The following ROBO1 variants were observed in gnomAD, a reference collection of about 807,000 sequenced individuals.
ROBO1 encodes the protein roundabout homolog 1.
In ROBO1, 149 loss-of-function variants were observed where a neutral mutation model predicts 195.9. The observed-to-expected ratio is 0.76, with a 90% CI of 0.67 to 0.87. ROBO1 has a LOEUF of 0.87. Ranked by LOEUF, ROBO1 falls within the 40% of genes least tolerant of loss-of-function variation. ROBO1 has a pLI of 0.00. For synonymous variants in ROBO1, 816 were observed against 733.2 expected (o/e 1.11, Z -1.82); for missense variants, 1,933 against 2,068.3 (o/e 0.93, Z 1.27).
Position 78,659,769 on chromosome 3 carries a change from T to G in ROBO1, c.2359A>C (p.Asn787His). Reference protein sequence around the residue: ...APPQGVTVSKNDGNGTAILVS... With the variant: ...APPQGVTVSKHDGNGTAILVS... ...AGAATTGCAGTTCCGTTTCCATCAT[T>G]CTTGGATACAGTTACACCTTGGGGT... is the stretch of plus-strand genomic sequence containing the variant. The change falls in exon 17 of 31, where the codon AAT becomes CAT. Residue 787 changes from asparagine to histidine, a missense_variant. This residue lies in a region of ROBO1 where 1,737 missense variants were observed against 1,882.5 expected (regional missense o/e 0.92). Transcript: ENST00000464233. 1 of 1,603,302 alleles carries G rather than the reference T, an allele frequency of 6.2e-7. No individual in the cohort carries two copies. Among genetic ancestry groups the G allele is most frequent in the Non-Finnish European group, 8.5e-7 (1 of 1,174,298 alleles).
At chr3:79,657,627 G>C (rs1946207101) in intron 1 of ROBO1, among the ~76,000 whole-genome samples, 2 of 152,080 alleles carry the variant, frequency 1.3e-5, no homozygotes, top group South Asian at 4.1e-4. Context: ...CACCATTTGT[G>C]AATATTTATT....
chr3:79,374,313 TATA>T (rs1559854523), intron 2 of ROBO1, among the ~76,000 whole-genome samples: 2 of 151,906 alleles, frequency 1.3e-5, no homozygotes, highest in African/African-American at 4.8e-5. Flanking sequence ...GGATAGAAAA[TATA>T]ATAAATATTC....
chr3:79,286,287 C>T (rs1321862122), intron 2 of ROBO1, among the ~76,000 whole-genome samples: 1 of 152,112 alleles, frequency 6.6e-6, no homozygotes, highest in African/African-American at 2.4e-5. Flanking sequence ...AAATCCTTTG[C>T]AAAAATTGAT....
intron 2 of ROBO1, among the ~76,000 whole-genome samples, chr3:79,347,393 T>C (rs1293409349): frequency 2.0e-5 from 3 of 152,162 alleles, no homozygotes; most frequent in Non-Finnish European, 2.9e-5. Flanking sequence ...GGACTGAAAA[T>C]ATTTCTGATG....
chr3:79,226,179 T>C (rs2082224094), intron 2 of ROBO1, among the ~76,000 whole-genome samples: 1 of 152,192 alleles, frequency 6.6e-6, no homozygotes, highest in Admixed American at 6.6e-5. Flanking sequence ...TTAATAATTA[T>C]AATAGGACAC....
chr3:79,154,951 T>A (rs2080833111), intron 2 of ROBO1, among the ~76,000 whole-genome samples: 1 of 151,818 alleles, frequency 6.6e-6, no homozygotes, highest in African/African-American at 2.4e-5. Flanking sequence ...TTTTTATTTG[T>A]TCCCTATTTT....
In ROBO1 at chr3:78,717,312, G is replaced by A. The variant is rs1219762602; in HGVS notation, c.880C>T (p.Arg294Ter). 3.7e-6 allele frequency: 6 copies of A among 1,602,956 alleles called. No individual in the cohort carries two copies. Among genetic ancestry groups the A allele is most frequent in the Non-Finnish European group, 5.1e-6 (6 of 1,176,004 alleles). ...EARGDPVPTVRWRKDDGELPK... is the reference protein window; with the variant it reads ...EARGDPVPTV ...AGCTCTCCATCATCTTTCCTCCATC[G>A]TACTGTAGGTACAGGGTCACCTCGG... is the stretch of plus-strand genomic sequence containing the variant. Residue 294 changes from arginine (R) to a stop codon, truncating the protein, a stop_gained, in exon 7 of 31, where the codon CGA (arginine) becomes TGA (stop). Transcript: ENST00000464233. LOFTEE classifies it high-confidence loss of function.
chr3:78,857,495 T>G (rs2034526697), intron 4 of ROBO1, among the ~76,000 whole-genome samples: 1 of 152,178 alleles, frequency 6.6e-6, no homozygotes, highest in Non-Finnish European at 1.5e-5. Flanking sequence ...CAACTCTAAA[T>G]ATTCCTGTTT....
chr3:79,416,472 T>C (rs1359523930), intron 2 of ROBO1, among the ~76,000 whole-genome samples: 1 of 148,564 alleles, frequency 6.7e-6, no homozygotes, highest in African/African-American at 2.5e-5. Context: ...CAACAAAAAA[T>C]TAGCCAGGTG....
At chr3:79,288,665 C>T (rs973992227) in intron 2 of ROBO1, among the ~76,000 whole-genome samples, 5 of 152,134 alleles carry the variant, frequency 3.3e-5, no homozygotes, top group African/African-American at 9.7e-5. Flanking sequence ...TTATTGGACC[C>T]GCTTCCTTTA....
intron 2 of ROBO1, among the ~76,000 whole-genome samples, chr3:79,493,104 C>A (rs1939553407): frequency 6.6e-6 from 1 of 151,828 alleles, no homozygotes; most frequent in African/African-American, 2.4e-5. Context: ...AGAGATTTGG[C>A]AAATCACTCT....
intron 1 of ROBO1, among the ~76,000 whole-genome samples, chr3:79,653,420 G>GTAAAAGTAAAAATTT (rs1322838458): frequency 1.3e-5 from 2 of 151,818 alleles, no homozygotes; most frequent in Non-Finnish European, 1.5e-5. Context: ...ATATTTCACT[G>GTAAAAGTAAAAATTT]CCTTTTACTT....
At chr3:78,773,916 T>C (rs2083440935) in intron 4 of ROBO1, among the ~76,000 whole-genome samples, 1 of 152,222 alleles carries the variant, frequency 6.6e-6, no homozygotes, top group African/African-American at 2.4e-5. Flanking sequence ...GTCTTGTTTA[T>C]CTCTGGATAT....
At chr3:79,607,218 T>C (rs1451093359) in intron 1 of ROBO1, among the ~76,000 whole-genome samples, 2 of 151,662 alleles carry the variant, frequency 1.3e-5, no homozygotes, top group Admixed American at 1.3e-4. Context: ...ATGTTCTTTT[T>C]ATATTGTTAA....
intron 2 of ROBO1, among the ~76,000 whole-genome samples, chr3:79,479,613 C>G (rs769356659): frequency 7.2e-5 from 11 of 152,102 alleles, no homozygotes; most frequent in Non-Finnish European, 1.3e-4. Context: ...TCTGTCAAAC[C>G]TTTGGAAAGT....
At chr3:79,622,159 C>T (rs548488874) in intron 1 of ROBO1, among the ~76,000 whole-genome samples, 206 of 152,232 alleles carry the variant, frequency 1.4e-3, no homozygotes, top group Non-Finnish European at 2.6e-3. Flanking sequence ...AGCATGCTAC[C>T]CAGACAGGGA....
At chr3:78,945,095 G>A (rs1299794357) in intron 3 of ROBO1, among the ~76,000 whole-genome samples, 9 of 152,190 alleles carry the variant, frequency 5.9e-5, no homozygotes, top group Admixed American at 5.9e-4. Context: ...TCTGGGGTCA[G>A]GGCATGGACA....
At chr3:79,359,168 T>A (rs766016734) in intron 2 of ROBO1, among the ~76,000 whole-genome samples, 5 of 152,074 alleles carry the variant, frequency 3.3e-5, no homozygotes, top group Non-Finnish European at 7.4e-5. Context: ...ACTAGATTAA[T>A]TTTCTAGCAA....
chr3:78,609,610 T>C (rs540165942), intron 28 of ROBO1, among the ~76,000 whole-genome samples: 2 of 152,348 alleles, frequency 1.3e-5, no homozygotes, highest in African/African-American at 4.8e-5. Flanking sequence ...TTGGAAAAGT[T>C]TGCCTAATGT....
Sources: allele counts gnomAD v4.1 joint callset (sites outside exome capture counted in the v4.1 genomes callset), GRCh38; gene constraint gnomAD v4.1.1; regional missense constraint gnomAD v4.1.1; transcripts MANE v1.5; gene names NCBI Gene and HGNC (gene_info 2026-07-23, HGNC 2026-07-21).